The following PCDHA8 variants were observed in gnomAD, a reference collection of about 807,000 sequenced individuals.
PCDHA8 encodes the protein protocadherin alpha 8.
Under a neutral mutation model 61.8 loss-of-function variants are expected in PCDHA8, and 53 were observed. The observed-to-expected ratio is 0.86, with a 90% CI of 0.69 to 1.08. The LOEUF (loss-of-function observed/expected upper bound fraction) is 1.08, where lower values mean the gene tolerates loss of function less well. PCDHA8 is among the 50% of genes least tolerant of loss of function. The pLI, the probability that PCDHA8 is intolerant of heterozygous loss-of-function variation, is 0.00. For missense variants in PCDHA8, 1,293 were observed against 1,245.0 expected (o/e 1.04, Z -0.58); for synonymous variants, 618 against 556.6 (o/e 1.11, Z -1.55).
chr5:141,003,981 C>T (rs1485203944), intron 3 of PCDHA8, among the ~76,000 whole-genome samples: 9 of 152,072 alleles, frequency 5.9e-5, no homozygotes, highest in Admixed American at 2.6e-4. Flanking sequence ...GGGGACTTGC[C>T]GGAGATCCTA....
intron 1 of PCDHA8, among the ~76,000 whole-genome samples, chr5:140,881,731 T>C (rs1457530470): frequency 6.6e-6 from 1 of 152,224 alleles, no homozygotes; most frequent in Non-Finnish European, 1.5e-5. Flanking sequence ...TGAAAAATAT[T>C]ACAGGAAGAG....
At chr5:140,944,051 C>G (rs1383787401) in intron 1 of PCDHA8, among the ~76,000 whole-genome samples, 1 of 152,086 alleles carries the variant, frequency 6.6e-6, no homozygotes, top group East Asian at 1.9e-4. Context: ...GATTGGGATA[C>G]AAAAAGGTTT....
intron 1 of PCDHA8, among the ~76,000 whole-genome samples, chr5:140,943,257 CA>C (rs1238620023): frequency 1.6e-3 from 121 of 77,534 alleles, no homozygotes; most frequent in Middle Eastern, 7.2e-3. Flanking sequence ...GACTCTGTCT[CA>C]AAAAAAAAAA....
At chr5:140,931,744 C>G (rs2087714665) in intron 1 of PCDHA8, among the ~76,000 whole-genome samples, 5 of 151,904 alleles carry the variant, frequency 3.3e-5, no homozygotes, top group Admixed American at 3.3e-4. Flanking sequence ...TTGTAATTCA[C>G]AAAGGCATTT....
chr5:140,941,214 C>CTTTCTTTCTTTCTTT (rs1554214039), intron 1 of PCDHA8, among the ~76,000 whole-genome samples: 5,375 of 122,186 alleles, frequency 0.044, 196 homozygotes, highest in South Asian at 0.066. Flanking sequence ...TTTCTTTCTT[C>CTTTCTTTCTTTCTTT]CTTTCTTTCT....
At chr5:140,916,933 A>G (rs1554197692) in intron 1 of PCDHA8, among the ~76,000 whole-genome samples, 3 of 152,162 alleles carry the variant, frequency 2.0e-5, no homozygotes, top group Non-Finnish European at 4.4e-5. Context: ...ACTTAAGCAT[A>G]TAGTGGTGAG....
chr5:140,892,144 G>T (rs549500463), intron 1 of PCDHA8, among the ~76,000 whole-genome samples: 1 of 152,102 alleles, frequency 6.6e-6, no homozygotes, highest in Non-Finnish European at 1.5e-5. Context: ...TGGTTTTAGC[G>T]TCTATTTCTG....
chr5:140,868,027 G>T (rs2050246308), intron 1 of PCDHA8: 1 of 151,988 alleles, frequency 6.6e-6, no homozygotes, highest in African/African-American at 2.4e-5. Context: ...AACCAATGTT[G>T]GTGACTTGGA....
At chr5:140,875,395 GT>G in intron 1 of PCDHA8, 1 of 1,478,260 alleles carries the variant, frequency 6.8e-7, no homozygotes, top group African/African-American at 1.4e-5. Context: ...ACAGAAAAGG[GT>G]GACTGCTCAT....
intron 3 of PCDHA8, among the ~76,000 whole-genome samples, chr5:141,003,915 C>T (rs2153979429): frequency 6.6e-6 from 1 of 152,298 alleles, no homozygotes; most frequent in African/African-American, 2.4e-5. Context: ...GTCTTGACTG[C>T]ATCCTCAGTC....
intron 3 of PCDHA8, among the ~76,000 whole-genome samples, chr5:141,004,805 A>G (rs1588069791): frequency 6.6e-6 from 1 of 152,310 alleles, no homozygotes; most frequent in African/African-American, 2.4e-5. Flanking sequence ...GCTGAGCTCA[A>G]TTGCAGATTT....
intron 1 of PCDHA8, chr5:140,875,283 CAG>C: frequency 7.3e-7 from 1 of 1,362,464 alleles, no homozygotes; most frequent in Non-Finnish European, 9.6e-7. Flanking sequence ...GAAGGTGAAA[CAG>C]GAAAATTTTT....
intron 1 of PCDHA8, among the ~76,000 whole-genome samples, chr5:140,874,110 C>T (rs115562650): frequency 0.024 from 3,605 of 152,160 alleles, 51 homozygotes; most frequent in Middle Eastern, 0.034. Flanking sequence ...AATTACTTAA[C>T]GTTTTATAGT....
chr5:140,967,282 G>T, intron 1 of PCDHA8: 1 of 1,613,078 alleles, frequency 6.2e-7, no homozygotes. Flanking sequence ...TAGAGAGTGC[G>T]CAGGACCCCG....
intron 1 of PCDHA8, chr5:140,856,750 C>G (rs1554149043): frequency 6.3e-7 from 1 of 1,596,268 alleles, no homozygotes; most frequent in African/African-American, 1.3e-5. Context: ...TGTTAGATGC[C>G]AATGATAACG....
chr5:140,953,364 G>T (rs1177357093), intron 1 of PCDHA8, among the ~76,000 whole-genome samples: 1 of 152,088 alleles, frequency 6.6e-6, no homozygotes, highest in Non-Finnish European at 1.5e-5. Flanking sequence ...TGCACTCAAG[G>T]ATTCTCTACC....
chr5:140,917,324 C>CGGGGG (rs1299895515), intron 1 of PCDHA8, among the ~76,000 whole-genome samples: 1 of 76,186 alleles, frequency 1.3e-5, no homozygotes, highest in Non-Finnish European at 2.9e-5. Flanking sequence ...GTTCATGTGG[C>CGGGGG]GGGGGAGGGG....
chr5:140,860,977 T>A (rs1314844613), intron 1 of PCDHA8: 1 of 152,212 alleles, frequency 6.6e-6, no homozygotes, highest in African/African-American at 2.4e-5. Flanking sequence ...GACCTCGTGA[T>A]CCACCGGCCT....
Position 140,841,190 on chromosome 5 carries a change from T to C in PCDHA8, c.-132T>C, listed in dbSNP as rs1442612057. The stretch of plus-strand genomic sequence containing the variant: ...CTGGTTGGTCAATGTTCAAAGTCTT[T>C]TCTCTGACAGCATCTGTCTCTAAAG... On this transcript the variant is annotated 5_prime_UTR_variant, in exon 1 of 4. Transcript: ENST00000531613. 1.1e-5 allele frequency: 14 copies of C among 1,237,774 alleles called. No individual in the cohort carries two copies. Among genetic ancestry groups the C allele is most frequent in the Non-Finnish European group, 1.6e-5 (14 of 896,678 alleles). 76.7% of individuals were successfully genotyped at this position (1,237,774 alleles called of 1,614,324 possible).
Sources: gnomAD v4.1 joint callset for allele counts (sites outside exome capture counted in the v4.1 genomes callset) on GRCh38, gnomAD v4.1.1 for gene constraint, MANE v1.5 for transcripts, NCBI Gene and HGNC (gene_info 2026-07-23, HGNC 2026-07-21) for gene names.